CNTNAP2: variants seen among roughly 807,000 people sequenced by gnomAD.
The protein encoded by CNTNAP2 is contactin associated protein 2.
CNTNAP2 carries 98 observed loss-of-function variants against 155.2 expected under a neutral mutation model. The observed-to-expected ratio is 0.63, with a 90% CI of 0.54 to 0.75. The LOEUF (loss-of-function observed/expected upper bound fraction) is 0.75. Among genes scored for constraint, CNTNAP2 ranks in the 30% least tolerant of loss-of-function variants. The pLI is 0.00. For missense variants in CNTNAP2, 1,727 were observed against 1,688.1 expected (o/e 1.02, Z -0.40); for synonymous variants, 651 against 631.2 (o/e 1.03, Z -0.47).
chr7:146,613,349 C>T (rs1191802297), intron 1 of CNTNAP2, among the ~76,000 whole-genome samples: 2 of 152,124 alleles, frequency 1.3e-5, no homozygotes, highest in Admixed American at 1.3e-4. Flanking sequence ...TTCTTATCTC[C>T]AAATTTTAAG....
chr7:148,273,655 C>T (rs1225047111), intron 21 of CNTNAP2, among the ~76,000 whole-genome samples: 2 of 152,152 alleles, frequency 1.3e-5, no homozygotes, highest in African/African-American at 4.8e-5. Flanking sequence ...AATACTAATG[C>T]AGTGTCGTTG....
chr7:147,947,135 TA>T (rs1361314967), intron 14 of CNTNAP2, among the ~76,000 whole-genome samples: 1 of 152,080 alleles, frequency 6.6e-6, no homozygotes, highest in Non-Finnish European at 1.5e-5. Flanking sequence ...ATTATGCAGA[TA>T]AAGCCTCCCA....
At chr7:146,119,785 C>T (rs1198228453) in intron 1 of CNTNAP2, among the ~76,000 whole-genome samples, 1 of 152,020 alleles carries the variant, frequency 6.6e-6, no homozygotes, top group Non-Finnish European at 1.5e-5. Flanking sequence ...ATTTCATTGA[C>T]CAACACATTT....
chr7:146,345,472 G>T (rs1449125868), intron 1 of CNTNAP2, among the ~76,000 whole-genome samples: 1 of 152,114 alleles, frequency 6.6e-6, no homozygotes, highest in Non-Finnish European at 1.5e-5. Context: ...CTCAGCAAAG[G>T]CCAAGGCAGA....
chr7:146,687,126 C>A (rs74673483), intron 1 of CNTNAP2, among the ~76,000 whole-genome samples: 1 of 152,060 alleles, frequency 6.6e-6, no homozygotes, highest in East Asian at 1.9e-4. Context: ...CATTTCTCAA[C>A]GGTTAAATGT....
chr7:147,414,241 A>G (rs775792527), intron 10 of CNTNAP2, among the ~76,000 whole-genome samples: 1 of 151,920 alleles, frequency 6.6e-6, no homozygotes, highest in Non-Finnish European at 1.5e-5. Context: ...CTTGGCCAAC[A>G]TGCTGAAACC....
At chr7:146,485,206 A>G (rs920589149) in intron 1 of CNTNAP2, among the ~76,000 whole-genome samples, 1 of 152,066 alleles carries the variant, frequency 6.6e-6, no homozygotes, top group Non-Finnish European at 1.5e-5. Flanking sequence ...GACAATGTTT[A>G]AAAAAATAAA....
At chr7:147,712,747 G>A (rs1170068787) in intron 13 of CNTNAP2, among the ~76,000 whole-genome samples, 1 of 152,132 alleles carries the variant, frequency 6.6e-6, no homozygotes, top group Non-Finnish European at 1.5e-5. Flanking sequence ...CCTGTCATGG[G>A]GTGGTGGGAG....
chr7:147,541,477 T>C (rs886986267), intron 11 of CNTNAP2, among the ~76,000 whole-genome samples: 22 of 152,206 alleles, frequency 1.4e-4, no homozygotes, highest in Admixed American at 3.9e-4. Flanking sequence ...GTAATATAAG[T>C]AGTTACAGTG....
intron 21 of CNTNAP2, among the ~76,000 whole-genome samples, chr7:148,321,246 G>A (rs1797786417): frequency 6.6e-6 from 1 of 152,174 alleles, no homozygotes; most frequent in African/African-American, 2.4e-5. Context: ...GAAGGCAGGA[G>A]ACTTTGCAGA....
intron 15 of CNTNAP2, among the ~76,000 whole-genome samples, chr7:148,105,280 A>G (rs1484408851): frequency 1.3e-5 from 2 of 152,204 alleles, no homozygotes; most frequent in Admixed American, 6.5e-5. Context: ...CCAATGTGGT[A>G]TATGAACTGA....
chr7:146,624,811 G>GA (rs1162654646), intron 1 of CNTNAP2, among the ~76,000 whole-genome samples: 1 of 151,964 alleles, frequency 6.6e-6, no homozygotes, highest in African/African-American at 2.4e-5. Context: ...GGTCAGTGTA[G>GA]AAAGAATTGA....
At chr7:146,801,107 G>C (rs1184138877) in intron 2 of CNTNAP2, among the ~76,000 whole-genome samples, 1 of 152,138 alleles carries the variant, frequency 6.6e-6, no homozygotes, top group Non-Finnish European at 1.5e-5. Context: ...GCTTCTGGTG[G>C]AGCCTTAGGA....
rs1301628879 is a variant in CNTNAP2 at position 148,263,919 on chromosome 7, G to A, written c.3382-3114G>A. The stretch of plus-strand genomic sequence containing the variant: ...AAATGGCTGCCAAAAAGCCAAGGCC[G>A]TCTAGTCTGGATCTGCAGAAACAAT... On this transcript the variant is annotated intron_variant, in intron 20 of 23. Coordinates refer to ENST00000361727, the MANE Select transcript of CNTNAP2 (RefSeq NM_014141.6). Among the ~76,000 whole-genome samples, 4 of 152,112 alleles carry A rather than the reference G, an allele frequency of 2.6e-5. No individual in the cohort carries two copies. The East Asian group carries it at 5.8e-4, about 22-fold the overall frequency.
At chr7:148,347,569 A>G (rs1008738646) in intron 21 of CNTNAP2, among the ~76,000 whole-genome samples, 1 of 152,236 alleles carries the variant, frequency 6.6e-6, no homozygotes, top group Non-Finnish European at 1.5e-5. Flanking sequence ...TCACACCAAG[A>G]TAATAAATTA....
intron 4 of CNTNAP2, among the ~76,000 whole-genome samples, chr7:147,055,785 G>T (rs1020046606): frequency 6.6e-6 from 1 of 152,022 alleles, no homozygotes; most frequent in African/African-American, 2.4e-5. Flanking sequence ...AGGAGGGAAC[G>T]GAAGCCCAAT....
At position 148,147,688 on chromosome 7, in the gene CNTNAP2, C is replaced by T. The variant is rs865872013; in HGVS notation, c.2752C>T (p.Leu918Phe). The change falls in exon 17 of 24, where the codon CTC (leucine) becomes TTC (phenylalanine). Residue 918 changes from leucine (L) to phenylalanine (F), a missense_variant. Physicochemically the swap from Leu to Phe is conservative, Grantham distance 22. Transcript: ENST00000361727. ...AACAGAAGGCCACACCCGCCTGGAG[C>T]TCTACAGCCAGTTATTTGTGGGTAA... ...APTEGHTRLE[L>F]YSQLFVGGAG... 2 of 1,613,528 alleles carry T rather than the reference C, an allele frequency of 1.2e-6. No individual in the cohort carries two copies. The highest frequency in any genetic ancestry group is 1.7e-6 in the Non-Finnish European group (2 of 1,179,998).
At chr7:146,457,488 AT>A (rs1796572826) in intron 1 of CNTNAP2, among the ~76,000 whole-genome samples, 5 of 454 alleles carry the variant, frequency 0.011, 1 homozygote, top group African/African-American at 0.017. Context: ...ATGAATATAT[AT>A]ATATATATAT....
chr7:147,725,269 C>T (rs1220426788), intron 13 of CNTNAP2, among the ~76,000 whole-genome samples: 1 of 151,816 alleles, frequency 6.6e-6, no homozygotes, highest in Non-Finnish European at 1.5e-5. Flanking sequence ...AATAGGATCT[C>T]AAATAAAGCA....
Sources: allele counts gnomAD v4.1 joint callset (sites outside exome capture counted in the v4.1 genomes callset), GRCh38; gene constraint gnomAD v4.1.1; transcripts MANE v1.5; gene names NCBI Gene and HGNC (gene_info 2026-07-23, HGNC 2026-07-21).